The following PLEK variants were observed in gnomAD, a reference collection of about 807,000 sequenced individuals.
The protein encoded by PLEK is platelet 47 kDa protein.
Under a neutral mutation model 43.9 loss-of-function variants are expected in PLEK, and 25 were observed. The ratio of observed to expected loss-of-function variants is 0.57; its 90% CI spans 0.41 to 0.79. The LOEUF is 0.79. PLEK is among the 30% of genes least tolerant of loss of function. PLEK has a pLI of 0.00. For missense variants in PLEK, 396 were observed against 413.3 expected (o/e 0.96, Z 0.36); for synonymous variants, 152 against 144.4 (o/e 1.05, Z -0.38).
In PLEK at chr2:68,386,484, T is replaced by C. The variant is rs1302193895; in HGVS notation, c.473-18T>C. 6.2e-7 allele frequency: 1 copy of C among 1,608,224 alleles called. No individual in the cohort carries two copies. Among genetic ancestry groups the C allele is most frequent in the African/African-American group, 1.3e-5 (1 of 74,848 alleles). ...TTCGGTAAGGAGAGTTAACCTTCCC[T>C]GTGCTGGTCCCATCTAGGTAACTGC... On this transcript the variant is annotated intron_variant, in intron 4 of 8. Transcript: ENST00000234313.
rs150325784 is a variant in PLEK at position 68,365,443 on chromosome 2, G to T, written c.42+50G>T. 321 of 1,468,368 alleles carry T rather than the reference G, an allele frequency of 2.2e-4. 1 individual carries two copies. In the African/African-American group the frequency reaches 4.1e-3, roughly 19 times the overall value. 91.0% of individuals were successfully genotyped at this position (1,468,368 alleles called of 1,614,324 possible). On this transcript the variant is annotated intron_variant, in intron 1 of 8. Coordinates refer to ENST00000234313, the MANE Select transcript of PLEK (RefSeq NM_002664.3). ...GGTGTCAGTGGACATGGGCTGGGGA[G>T]ACTTGGGTTCAGCTCCACCGGCTAC...
chr2:68,386,557 A>T lies in PLEK; in HGVS notation c.528A>T (p.Glu176Asp), dbSNP rs934379636. ...ACCAGTCTGTTAGGAATCGCCAGGA[A>T]GGCCTCATGATTGCTTCATCGCTGC... is the stretch of plus-strand genomic sequence containing the variant. ...VSNQSVRNRQ[E>D]GLMIASSLLN... Residue 176 changes from glutamate (E) to aspartate (D), a missense_variant, in exon 5 of 9, where the codon GAA (glutamate) becomes GAT (aspartate). Transcript: ENST00000234313. 1.2e-6 allele frequency: 2 copies of T among 1,613,772 alleles called. No individual in the cohort carries two copies. The highest frequency in any genetic ancestry group is 2.7e-5 in the African/African-American group (2 of 74,904).
At chr2:68,386,347 A>G (rs1673740904) in intron 4 of PLEK, among the ~76,000 whole-genome samples, 155 bp from the exon 5 acceptor site, 2 of 152,284 alleles carry the variant, frequency 1.3e-5, no homozygotes, top group East Asian at 1.9e-4. Flanking sequence ...TCTAGTGGGT[A>G]TCTATCCCAC....
chr2:68,366,303 C>T (rs2103752270), intron 1 of PLEK, among the ~76,000 whole-genome samples: 1 of 152,316 alleles, frequency 6.6e-6, no homozygotes. Flanking sequence ...TCATTTGTTT[C>T]ACGTTTTAAC....
chr2:68,380,971 T>C, intron 3 of PLEK, 67 bp downstream of exon 3: 2 of 1,404,898 alleles, frequency 1.4e-6, no homozygotes, highest in Middle Eastern at 1.8e-4. Flanking sequence ...CAGATCCTGC[T>C]CCAAGGCTTG....
At chr2:68,394,704 A>C (rs1673931932) in intron 8 of PLEK, among the ~76,000 whole-genome samples, 1 of 152,178 alleles carries the variant, frequency 6.6e-6, no homozygotes, top group Non-Finnish European at 1.5e-5. Context: ...TCACTTCACA[A>C]TGGCTGAGAA....
At chr2:68,384,518 G>A (rs1324288375) in intron 4 of PLEK, among the ~76,000 whole-genome samples, 1 of 152,096 alleles carries the variant, frequency 6.6e-6, no homozygotes, top group Non-Finnish European at 1.5e-5. Flanking sequence ...TTACAGGTGG[G>A]CTAGTACTTC....
chr2:68,374,460 G>A (rs1372386347), intron 1 of PLEK, among the ~76,000 whole-genome samples: 1 of 152,112 alleles, frequency 6.6e-6, no homozygotes, highest in Admixed American at 6.6e-5. Context: ...CTTGAAGGGT[G>A]GTGTTACTAT....
In PLEK at chr2:68,397,022, A is replaced by G. The variant is rs1224557238; in HGVS notation, c.*1206A>G. The G allele has an allele frequency of 6.6e-6, 1 of 152,192 alleles. No individual in the cohort carries two copies. The highest frequency in any genetic ancestry group is 2.4e-5 in the African/African-American group (1 of 41,448). 9.4% of individuals were successfully genotyped at this position (152,192 alleles called of 1,614,324 possible). A position where few individuals can be genotyped will look rare whatever the true frequency, so the allele number is the denominator to read the frequency against. ...GGGCATCATGGCCCTATGATTAACC[A>G]GAGTGATCTAACCTAGACTAAAATT... On this transcript the variant is annotated 3_prime_UTR_variant, in exon 9 of 9. Coordinates refer to ENST00000234313, the MANE Select transcript of PLEK (RefSeq NM_002664.3).
intron 1 of PLEK, among the ~76,000 whole-genome samples, chr2:68,369,562 C>A (rs1673352891): frequency 1.3e-5 from 2 of 150,942 alleles, no homozygotes; most frequent in African/African-American, 4.9e-5. Flanking sequence ...CGGCTCACTG[C>A]AACCTCCGCC....
Position 68,391,690 on chromosome 2 carries a change from CAT to C in PLEK, c.763-1471_763-1470del, listed in dbSNP as rs150963342. Among the ~76,000 whole-genome samples the C allele has an allele frequency of 1.0e-3, 155 of 152,322 alleles. 1 individual carries two copies. Among genetic ancestry groups the C allele is most frequent in the East Asian group, 3.9e-3 (20 of 5,192 alleles). On this transcript the variant is annotated intron_variant, in intron 6 of 8. Transcript: ENST00000234313. ...GGAGGCACTGTTTGCTAAGACCACA[CAT>C]GTTTTATTGCTTTCAGCACAAGTAA...
chr2:68,373,771 T>C (rs1335667887), intron 1 of PLEK, among the ~76,000 whole-genome samples: 1 of 152,138 alleles, frequency 6.6e-6, no homozygotes, highest in Non-Finnish European at 1.5e-5. Flanking sequence ...AATGTTAGGT[T>C]TAAAAGGGAT....
intron 6 of PLEK, among the ~76,000 whole-genome samples, chr2:68,392,249 A>ACC (rs1055640192): frequency 1.4e-5 from 2 of 146,322 alleles, no homozygotes; most frequent in Non-Finnish European, 3.0e-5. Flanking sequence ...TGTTACAGCA[A>ACC]CAGGCATTTC....
Position 68,380,344 on chromosome 2 carries a change from C to T in PLEK, c.59C>T (p.Thr20Met), listed in dbSNP as rs747075506. The T allele has an allele frequency of 3.2e-5, 51 of 1,612,760 alleles. 1 individual carries two copies. The highest frequency in any genetic ancestry group is 2.5e-4 in the South Asian group (23 of 90,962). The change falls in exon 2 of 9, where the codon ACG becomes ATG. Residue 20 changes from threonine to methionine, a missense_variant. Physicochemically the swap from Thr to Met is moderately conservative, Grantham distance 81. Transcript: ENST00000234313. ...TCATTACAGGGGAGCGTGTTCAATA[C>T]GTGGAAACCCATGTGGGTTGTATTG... ...YLVKKGSVFN[T>M]WKPMWVVLLE... is the part of the protein sequence containing the mutation.
chr2:68,382,513 T>C, intron 3 of PLEK, 29 bp from the exon 4 acceptor site: 1 of 1,333,316 alleles, frequency 7.5e-7, no homozygotes, highest in Non-Finnish European at 1.1e-6. Flanking sequence ...TTTGTTTGTT[T>C]GTTTGTTTGC....
chr2:68,395,565 A>G (rs1009399729), intron 8 of PLEK, 115 bp from the exon 9 acceptor site: 2 of 1,057,884 alleles, frequency 1.9e-6, no homozygotes, highest in African/African-American at 3.1e-5. Flanking sequence ...AAAGCCACAT[A>G]GTCAATTTCC....
intron 5 of PLEK, 24 bp downstream of exon 5, chr2:68,386,710 C>T: frequency 6.3e-7 from 1 of 1,585,594 alleles, no homozygotes; most frequent in South Asian, 1.1e-5. Context: ...CCCATCTCTT[C>T]TTCCTGTAAG....
intron 5 of PLEK, 68 bp from the exon 6 acceptor site, chr2:68,388,319 T>G: frequency 4.6e-6 from 4 of 863,012 alleles, no homozygotes; most frequent in Non-Finnish European, 7.9e-6. Context: ...GGAGGGGGAA[T>G]GGAGATGGCA....
rs757496352 is a variant in PLEK at position 68,386,592 on chromosome 2, G to C, written c.563G>C (p.Gly188Ala). Residue 188 changes from glycine to alanine, a missense_variant, in exon 5 of 9, where the codon GGG becomes GCG. Physicochemically the swap from Gly to Ala is moderately conservative, Grantham distance 60 (BLOSUM62 0). Transcript: ENST00000234313. ...ATTGCTTCATCGCTGCTCAATGAGG[G>C]GTATCTGCAGCCTGCTGGAGACATG... ...LMIASSLLNE[G>A]YLQPAGDMSK... 22 of 1,613,082 alleles carry C rather than the reference G, an allele frequency of 1.4e-5. No homozygotes were observed. The Admixed American group carries it at 3.7e-4, about 27-fold the overall frequency.
Sources: allele counts gnomAD v4.1 joint callset (sites outside exome capture counted in the v4.1 genomes callset), GRCh38; gene constraint gnomAD v4.1.1; transcripts MANE v1.5; gene names NCBI Gene and HGNC (gene_info 2026-07-23, HGNC 2026-07-21).